WBP1L: variants seen among roughly 807,000 people sequenced by gnomAD.
The protein encoded by WBP1L is WW domain binding protein 1 like.
A neutral mutation model predicts 33.7 loss-of-function variants in WBP1L; 17 were observed. That is an observed-to-expected ratio of 0.50 (90% CI 0.34 to 0.76). The LOEUF is 0.76. WBP1L is among the 30% of genes least tolerant of loss of function. The probability of loss-of-function intolerance (pLI) is 0.01; values close to 1 mark genes in which losing one functional copy is unlikely to be tolerated. For synonymous variants in WBP1L, 173 were observed against 190.8 expected (o/e 0.91, Z 0.77); for missense variants, 389 against 469.4 (o/e 0.83, Z 1.58).
At position 102,768,940 on chromosome 10, in the gene WBP1L, A is replaced by G. The variant is rs1448871701; in HGVS notation, c.90+24797A>G. Among the ~76,000 whole-genome samples, 131 of 151,386 alleles carry G rather than the reference A, an allele frequency of 8.7e-4. 2 individuals are homozygous for G. The highest frequency in any genetic ancestry group is 8.6e-3 in the Admixed American group (131 of 15,202). Reference sequence around the variant, plus strand: ...CCTGACCTCGTGATCCACCTGCCTCAGCCTCCCAAAGTGCTGAGATTACAG... The same window carrying G: ...CCTGACCTCGTGATCCACCTGCCTCGGCCTCCCAAAGTGCTGAGATTACAG... On this transcript the variant is annotated intron_variant, in intron 1 of 3. Transcript: ENST00000448841.
Position 102,776,406 on chromosome 10 carries a change from G to A in WBP1L, c.91-21587G>A, listed in dbSNP as rs1260055292. On this transcript the variant is annotated intron_variant, in intron 1 of 3. Coordinates refer to ENST00000448841, the MANE Select transcript of WBP1L (RefSeq NM_001083913.2). ...CTCTTGCAGGATGCCTTTCCTTTTGGGTCTTAGACAGGTAATTGTTTCTGC... is the reference window on the plus strand; with the variant it reads ...CTCTTGCAGGATGCCTTTCCTTTTGAGTCTTAGACAGGTAATTGTTTCTGC... 7 of 1,614,034 alleles carry A rather than the reference G, an allele frequency of 4.3e-6. No individual in the cohort carries two copies. In the African/African-American group the frequency reaches 9.3e-5, roughly 22 times the overall value.
chr10:102,770,189 C>T (rs1843169116), intron 1 of WBP1L, among the ~76,000 whole-genome samples: 1 of 152,192 alleles, frequency 6.6e-6, no homozygotes, highest in African/African-American at 2.4e-5. Flanking sequence ...GAAGATGTCT[C>T]AGTTTAACTT....
At position 102,749,473 on chromosome 10, in the gene WBP1L, TA is replaced by T. The variant is rs532742515; in HGVS notation, c.90+5338del. ...TTTTTTCTTTTTTTTTTCTCTCTAA[TA>T]AAAAAAATTTTTTTTTAAGTAGAGA... On this transcript the variant is annotated intron_variant, in intron 1 of 3. Coordinates refer to ENST00000448841, the MANE Select transcript of WBP1L (RefSeq NM_001083913.2). Among the ~76,000 whole-genome samples, 364 of 151,418 alleles carry T rather than the reference TA, an allele frequency of 2.4e-3. 3 individuals carry two copies. Among genetic ancestry groups the T allele is most frequent in the African/African-American group, 8.4e-3 (347 of 41,334 alleles).
rs1843899287 is a variant in WBP1L at position 102,814,475 on chromosome 10, T to C, written c.*1144T>C. On this transcript the variant is annotated 3_prime_UTR_variant, in exon 4 of 4. Coordinates refer to ENST00000448841, the MANE Select transcript of WBP1L (RefSeq NM_001083913.2). ...ACAGTATTTTATCTTTGATTCTGAA[T>C]AAATATTTTTTGTGGGGTTTTTTTT... is the stretch of plus-strand genomic sequence containing the variant. 1 of 141,856 alleles carries C rather than the reference T, an allele frequency of 7.0e-6. No homozygotes were observed. Among genetic ancestry groups the C allele is most frequent in the African/African-American group, 2.6e-5 (1 of 38,220 alleles). 8.8% of individuals were successfully genotyped at this position (141,856 alleles called of 1,614,324 possible). A position where few individuals can be genotyped will look rare whatever the true frequency, so the allele number is the denominator to read the frequency against.
intron 1 of WBP1L, among the ~76,000 whole-genome samples, chr10:102,791,810 A>G (rs7911528): frequency 0.52 from 78,440 of 152,066 alleles, 21,311 homozygotes; most frequent in Middle Eastern, 0.63. Flanking sequence ...TAAGGACATG[A>G]CGCTGTTGCC....
At chr10:102,776,116 TCCC>T (rs1308202574) in intron 1 of WBP1L, 36 of 1,337,064 alleles carry the variant, frequency 2.7e-5, no homozygotes, top group Non-Finnish European at 3.4e-5. Flanking sequence ...TGATGTCATT[TCCC>T]CCTTGGCAGA....
At chr10:102,794,649 C>CTGAG (rs1406471791) in intron 1 of WBP1L, among the ~76,000 whole-genome samples, 1 of 152,138 alleles carries the variant, frequency 6.6e-6, no homozygotes, top group Non-Finnish European at 1.5e-5. Context: ...ACTCAGGAGG[C>CTGAG]TGAGGCAGGA....
chr10:102,779,001 A>G (rs1427060999), intron 1 of WBP1L, among the ~76,000 whole-genome samples: 1 of 152,032 alleles, frequency 6.6e-6, no homozygotes, highest in Non-Finnish European at 1.5e-5. Flanking sequence ...AGGGTAATTG[A>G]AGATTTTTGT....
At chr10:102,768,841 C>G in intron 1 of WBP1L, among the ~76,000 whole-genome samples, 1 of 151,336 alleles carries the variant, frequency 6.6e-6, no homozygotes, top group East Asian at 1.9e-4. Flanking sequence ...GTGCCTGCCA[C>G]CACGCCCGGC....
At chr10:102,802,873 T>C (rs1207701470) in intron 2 of WBP1L, among the ~76,000 whole-genome samples, 1 of 152,234 alleles carries the variant, frequency 6.6e-6, no homozygotes, top group Non-Finnish European at 1.5e-5. Context: ...CCTGCCCATC[T>C]ATGGTTAAGC....
chr10:102,761,707 C>T (rs1290688485), intron 1 of WBP1L, among the ~76,000 whole-genome samples: 3 of 151,916 alleles, frequency 2.0e-5, no homozygotes, highest in African/African-American at 4.8e-5. Context: ...ACACCCACCT[C>T]GGCCTAATTT....
Position 102,756,095 on chromosome 10 carries a change from G to A in WBP1L, c.90+11952G>A, listed in dbSNP as rs377213876. ...GAGAACCATAACATTGTTTGGTATG[G>A]GTAGGGTTCTTTATTTGTTTTAAAA... On this transcript the variant is annotated intron_variant, in intron 1 of 3. Transcript: ENST00000448841. Among the ~76,000 whole-genome samples, 15 of 151,128 alleles carry A rather than the reference G, an allele frequency of 9.9e-5. No individual in the cohort carries two copies. The South Asian group carries it at 3.1e-3, about 32-fold the overall frequency.
At chr10:102,754,518 C>T (rs1433911942) in intron 1 of WBP1L, among the ~76,000 whole-genome samples, 1 of 152,096 alleles carries the variant, frequency 6.6e-6, no homozygotes, top group Non-Finnish European at 1.5e-5. Flanking sequence ...CCTGCCTCAG[C>T]CTCCCGAGTG....
At chr10:102,772,907 C>G (rs1281741613) in intron 1 of WBP1L, among the ~76,000 whole-genome samples, 1 of 146,162 alleles carries the variant, frequency 6.8e-6, no homozygotes, top group Non-Finnish European at 1.5e-5. Context: ...CTGCTTAATT[C>G]TAATTTAGTA....
intron 3 of WBP1L, among the ~76,000 whole-genome samples, chr10:102,810,977 C>T (rs990342817): frequency 4.0e-5 from 6 of 151,020 alleles, no homozygotes; most frequent in African/African-American, 7.4e-5. Context: ...TCCCTCCCTC[C>T]CTTCATTCAT....
chr10:102,750,221 A>T (rs1296672686), intron 1 of WBP1L, among the ~76,000 whole-genome samples: 1 of 151,364 alleles, frequency 6.6e-6, no homozygotes, highest in Non-Finnish European at 1.5e-5. Flanking sequence ...CAGCGTGGCC[A>T]ACATGGTGAA....
chr10:102,780,516 T>C (rs1843321430), intron 1 of WBP1L, among the ~76,000 whole-genome samples: 1 of 152,222 alleles, frequency 6.6e-6, no homozygotes, highest in Non-Finnish European at 1.5e-5. Context: ...GATTGGGTAA[T>C]GTCGAAGGTT....
At chr10:102,756,034 A>G (rs1007307604) in intron 1 of WBP1L, among the ~76,000 whole-genome samples, 2 of 151,784 alleles carry the variant, frequency 1.3e-5, no homozygotes, top group Admixed American at 6.6e-5. Context: ...GTGGCTAGAT[A>G]TAGACAACCA....
chr10:102,772,314 G>A, intron 1 of WBP1L, among the ~76,000 whole-genome samples: 1 of 137,266 alleles, frequency 7.3e-6, no homozygotes. Context: ...AGGCTGGAGT[G>A]CAGTGGCATG....
Sources: gnomAD v4.1 joint callset for allele counts (sites outside exome capture counted in the v4.1 genomes callset) on GRCh38, gnomAD v4.1.1 for gene constraint, MANE v1.5 for transcripts, NCBI Gene and HGNC (gene_info 2026-07-23, HGNC 2026-07-21) for gene names.